The following FMN2 variants were observed in gnomAD, a reference collection of about 807,000 sequenced individuals.
FMN2 encodes the protein formin 2, also known as formin-2.
A neutral mutation model predicts 142.3 loss-of-function variants in FMN2; 51 were observed. The observed-to-expected ratio is 0.36, with a 90% confidence interval of 0.29 to 0.45. FMN2 has a LOEUF of 0.45. Among genes scored for constraint, FMN2 ranks in the 20% least tolerant of loss-of-function variants. The pLI, the probability that FMN2 is intolerant of heterozygous loss-of-function variation, is 1.00. For missense variants in FMN2, 1,936 were observed against 2,122.8 expected (o/e 0.91, Z 1.73); for synonymous variants, 882 against 869.8 (o/e 1.01, Z -0.25).
intron 4 of FMN2, among the ~76,000 whole-genome samples, chr1:240,189,682 G>T (rs529288414): frequency 6.6e-6 from 1 of 152,198 alleles, no homozygotes; most frequent in African/African-American, 2.4e-5. Context: ...CCAGCTTATT[G>T]TTATGGGAGC....
intron 2 of FMN2, among the ~76,000 whole-genome samples, chr1:240,152,338 T>C (rs1030880226): frequency 6.6e-6 from 1 of 152,144 alleles, no homozygotes; most frequent in African/African-American, 2.4e-5. Flanking sequence ...TTACATTCCT[T>C]TTATTCCTTC....
At chr1:240,317,690 A>G (rs1670836959) in intron 8 of FMN2, among the ~76,000 whole-genome samples, 1 of 152,164 alleles carries the variant, frequency 6.6e-6, no homozygotes, top group African/African-American at 2.4e-5. Flanking sequence ...TATTACACAC[A>G]AAACTGTTAT....
chr1:240,106,423 AT>A (rs1181866977), intron 1 of FMN2, among the ~76,000 whole-genome samples: 1 of 152,214 alleles, frequency 6.6e-6, no homozygotes, highest in African/African-American at 2.4e-5. Context: ...ACATCTTTAT[AT>A]AGATACGGGA....
chr1:240,201,146 C>T (rs1021669397), intron 4 of FMN2, among the ~76,000 whole-genome samples: 1 of 152,120 alleles, frequency 6.6e-6, no homozygotes, highest in Non-Finnish European at 1.5e-5. Flanking sequence ...AAATACATAA[C>T]AGAAATTGTT....
intron 2 of FMN2, chr1:240,143,970 CAT>C (rs1663311841): frequency 7.1e-7 from 1 of 1,412,182 alleles, no homozygotes; most frequent in South Asian, 1.2e-5. Flanking sequence ...TTGTGGAGAA[CAT>C]AGTCTGAAAG....
At chr1:240,203,254 C>A (rs1237046134) in intron 4 of FMN2, among the ~76,000 whole-genome samples, 1 of 152,134 alleles carries the variant, frequency 6.6e-6, no homozygotes, top group Admixed American at 6.6e-5. Flanking sequence ...GACAGTGTGG[C>A]AATTCCTAGA....
At chr1:240,468,225 TG>T (rs1676687404) in intron 16 of FMN2, among the ~76,000 whole-genome samples, 2 of 122,094 alleles carry the variant, frequency 1.6e-5, no homozygotes, top group Non-Finnish European at 3.4e-5. Flanking sequence ...TGTGTGTGTG[TG>T]TGTGTGTATT....
At chr1:240,227,713 A>C (rs1667362026) in intron 6 of FMN2, among the ~76,000 whole-genome samples, 1 of 152,188 alleles carries the variant, frequency 6.6e-6, no homozygotes, top group South Asian at 2.1e-4. Context: ...TGGTCTTTTC[A>C]ACAAATGGTG....
At chr1:240,455,178 A>AAGCTGGTGCATAAT (rs60026777) in intron 16 of FMN2, among the ~76,000 whole-genome samples, 114,494 of 151,806 alleles carry the variant, frequency 0.75, 43,223 homozygotes, top group Middle Eastern at 0.78. Flanking sequence ...GACCATCGGA[A>AAGCTGGTGCATAAT]AGTAAAGAGG....
intron 8 of FMN2, among the ~76,000 whole-genome samples, chr1:240,311,369 G>A (rs1369468657): frequency 1.3e-5 from 2 of 151,982 alleles, no homozygotes; most frequent in African/African-American, 4.8e-5. Flanking sequence ...CATGTTTTAA[G>A]CAACATTTAA....
At chr1:240,184,706 T>C (rs1665324470) in intron 3 of FMN2, among the ~76,000 whole-genome samples, 2 of 151,832 alleles carry the variant, frequency 1.3e-5, no homozygotes, top group Admixed American at 1.3e-4. Flanking sequence ...TTTAAGGCAA[T>C]TCCTGAAAGT....
intron 11 of FMN2, among the ~76,000 whole-genome samples, chr1:240,331,589 A>G (rs1671379380): frequency 6.6e-6 from 1 of 152,184 alleles, no homozygotes; most frequent in Non-Finnish European, 1.5e-5. Context: ...ATAATGAAAT[A>G]ATTTCCTTCA....
intron 15 of FMN2, among the ~76,000 whole-genome samples, chr1:240,437,504 G>A (rs528742026): frequency 2.4e-4 from 37 of 151,854 alleles, no homozygotes; most frequent in South Asian, 1.7e-3. Flanking sequence ...GGGTTTCACC[G>A]TGTTAGCCAG....
At chr1:240,148,308 AGAG>A (rs1193207708) in intron 2 of FMN2, among the ~76,000 whole-genome samples, 1 of 143,480 alleles carries the variant, frequency 7.0e-6, no homozygotes, top group Non-Finnish European at 1.5e-5. Flanking sequence ...ACAGAGAGAG[AGAG>A]ACAGACAGAA....
In FMN2 at chr1:240,355,878, A is replaced by G; in HGVS notation, c.4828A>G (p.Lys1610Glu). Residue 1610 changes from lysine to glutamate, a missense_variant, in exon 14 of 18, where the codon AAG becomes GAG. This residue lies in a region of FMN2 where 322 missense variants were observed against 401.6 expected (regional missense o/e 0.80). Transcript: ENST00000319653. ...CTCAAAAGAGCATATGCAGCCTTTC[A>G]AGGAAAACATGGAACAATTTATTAT... ...VSSKEHMQPF[K>E]ENMEQFIIQA... is the part of the protein sequence containing the mutation. 3 of 1,582,610 alleles carry G rather than the reference A, an allele frequency of 1.9e-6. No individual in the cohort carries two copies. The highest frequency in any genetic ancestry group is 2.6e-6 in the Non-Finnish European group (3 of 1,159,474).
intron 16 of FMN2, among the ~76,000 whole-genome samples, chr1:240,439,279 A>AAAAAAAG (rs555074808): frequency 8.0e-6 from 1 of 124,724 alleles, no homozygotes; most frequent in Admixed American, 8.9e-5. Flanking sequence ...TCAAAAAAAA[A>AAAAAAAG]AAAGAAAGAA....
rs1668502343 is a variant in FMN2, at chr1:240,257,923, TTTTAC to T, written c.4066-18_4066-14del. 1 of 1,602,354 alleles carries T rather than the reference TTTTAC, an allele frequency of 6.2e-7. No homozygotes were observed. Among genetic ancestry groups the T allele is most frequent in the African/African-American group, 1.3e-5 (1 of 74,648 alleles). On this transcript the variant is annotated splice_polypyrimidine_tract_variant and intron_variant, in intron 6 of 17. Coordinates refer to ENST00000319653, the MANE Select transcript of FMN2 (RefSeq NM_020066.5). ...TGGAGTTCAAATTAACATTTTCCCC[TTTTAC>T]TTTCTTTCTCGAGCAGGTTGTCAAG...
chr1:240,428,303 C>G (rs1196365481), intron 15 of FMN2, among the ~76,000 whole-genome samples: 1 of 151,584 alleles, frequency 6.6e-6, no homozygotes, highest in Admixed American at 6.6e-5. Flanking sequence ...AAGATCATGG[C>G]TTACTGCAAC....
chr1:240,453,712 G>T lies in FMN2; in HGVS notation c.5060+15502G>T, dbSNP rs1480537824. Among the ~76,000 whole-genome samples the T allele has an allele frequency of 3.9e-4, 4 of 10,304 alleles. 2 individuals carry two copies. Among genetic ancestry groups the T allele is most frequent in the African/African-American group, 8.9e-4 (4 of 4,474 alleles). The allele number at this position is 10,304 out of a possible 152,430, so 6.8% of individuals were successfully genotyped here. Reference sequence around the variant, plus strand: ...GCTTAAAAATGGAAGGCATAGGGCCGGGCGCGGTGGCTCACGCCTGTAATC... The same window carrying T: ...GCTTAAAAATGGAAGGCATAGGGCCTGGCGCGGTGGCTCACGCCTGTAATC... On this transcript the variant is annotated intron_variant, in intron 16 of 17. Coordinates refer to ENST00000319653, the MANE Select transcript of FMN2 (RefSeq NM_020066.5).
Sources: gnomAD v4.1 joint callset for allele counts (sites outside exome capture counted in the v4.1 genomes callset) on GRCh38, gnomAD v4.1.1 for gene constraint, gnomAD v4.1.1 regional missense constraint, MANE v1.5 for transcripts, NCBI Gene and HGNC (gene_info 2026-07-23, HGNC 2026-07-21) for gene names.